The following LRP12 variants were observed in gnomAD, a reference collection of about 807,000 sequenced individuals.
LRP12 encodes low-density lipoprotein receptor-related protein 12.
LRP12 carries 14 observed loss-of-function variants against 66.0 expected under a neutral mutation model. That is an observed-to-expected ratio of 0.21 (90% CI 0.14 to 0.33). The LOEUF (loss-of-function observed/expected upper bound fraction) is 0.33, where lower values mean the gene tolerates loss of function less well. LRP12 is among the 10% of genes least tolerant of loss of function. The probability of loss-of-function intolerance (pLI) is 1.00; values close to 1 mark genes in which losing one functional copy is unlikely to be tolerated. For synonymous variants in LRP12, 357 were observed against 359.1 expected, an observed-to-expected ratio of 0.99 and a Z score of 0.07; for missense variants, 889 against 1,053.4, an observed-to-expected ratio of 0.84 and a Z score of 2.16.
At chr8:104,552,671 G>C (rs548670912) in intron 1 of LRP12, among the ~76,000 whole-genome samples, 1 of 152,262 alleles carries the variant, frequency 6.6e-6, no homozygotes, top group Non-Finnish European at 1.5e-5. Context: ...ATGTGAAGCA[G>C]AGAATTATCC....
Position 104,548,389 on chromosome 8 carries a change from ATATATAT to A in LRP12, c.80-16433_80-16427del, listed in dbSNP as rs1279887783. 3.4e-3 allele frequency among the ~76,000 whole-genome samples: 288 copies of A among 84,182 alleles called. 8 individuals carry two copies. The highest frequency in any genetic ancestry group is 4.2e-3 in the Non-Finnish European group (220 of 51,898). The allele number at this position is 84,182 out of a possible 152,430, so 55.2% of individuals were successfully genotyped here. ...TATAAATATATTATATAAATATATAATATATATTATATAAATATATGATATATTAATA... is the reference window on the plus strand; with the variant it reads ...TATAAATATATTATATAAATATATAATATATAAATATATGATATATTAATA... On this transcript the variant is annotated intron_variant, in intron 1 of 6. Coordinates refer to ENST00000276654, the MANE Select transcript of LRP12 (RefSeq NM_013437.5).
At position 104,489,560 on chromosome 8, in the gene LRP12, T is replaced by A. The variant is rs188045261; in HGVS notation, c.*1113A>T. ...TCTGAATGATTTCTTAATTTTCTTT[T>A]GAGAGTGTAGCATGATCCCCCCCAG... is the stretch of plus-strand genomic sequence containing the variant. On this transcript the variant is annotated 3_prime_UTR_variant, in exon 7 of 7. Coordinates refer to ENST00000276654, the MANE Select transcript of LRP12 (RefSeq NM_013437.5). 3 of 152,228 alleles carry A rather than the reference T, an allele frequency of 2.0e-5. No individual in the cohort carries two copies. Among genetic ancestry groups the A allele is most frequent in the Non-Finnish European group, 4.4e-5 (3 of 67,998 alleles). The allele number at this position is 152,228 out of a possible 1,614,324, so 9.4% of individuals were successfully genotyped here. A position where few individuals can be genotyped will look rare whatever the true frequency, so the allele number is the denominator to read the frequency against.
intron 1 of LRP12, among the ~76,000 whole-genome samples, chr8:104,579,191 CG>C (rs774950021): frequency 6.6e-6 from 1 of 152,094 alleles, no homozygotes; most frequent in Non-Finnish European, 1.5e-5. Context: ...CCCATAGTCT[CG>C]GGCCCAAAGC....
At position 104,569,613 on chromosome 8, in the gene LRP12, A is replaced by AT. The variant is rs374063255; in HGVS notation, c.79+19205_79+19206insA. ...CTAAATACAACATAATAATGTTCATAATAAAGATTCATAATAAAACTCTTA... is the reference window on the plus strand; with the variant it reads ...CTAAATACAACATAATAATGTTCATATATAAAGATTCATAATAAAACTCTTA... On this transcript the variant is annotated intron_variant, in intron 1 of 6. Transcript: ENST00000276654. Among the ~76,000 whole-genome samples, 117 of 152,252 alleles carry AT rather than the reference A, an allele frequency of 7.7e-4. 1 individual carries two copies. In the Middle Eastern group the frequency reaches 0.024, roughly 31 times the overall value.
Position 104,588,970 on chromosome 8 carries a change from A to ACGCCGCCGC in LRP12, c.-82_-74dup, listed in dbSNP as rs879237391. 0.23 allele frequency: 138,700 copies of ACGCCGCCGC among 590,722 alleles called. 16,008 individuals are homozygous for ACGCCGCCGC. The highest frequency in any genetic ancestry group is 0.26 in the Non-Finnish European group (99,634 of 380,392). 36.6% of individuals were successfully genotyped at this position (590,722 alleles called of 1,614,324 possible). ...GAGAAGCTGGAGGTAGACGACGCCG[A>ACGCCGCCGC]CGCCGCCGCCGCCGCCGCCGCCGCC... On this transcript the variant is annotated 5_prime_UTR_variant, in exon 1 of 7. Coordinates refer to ENST00000276654, the MANE Select transcript of LRP12 (RefSeq NM_013437.5).
chr8:104,557,844 G>A (rs1432887386), intron 1 of LRP12, among the ~76,000 whole-genome samples: 1 of 152,122 alleles, frequency 6.6e-6, no homozygotes, highest in Admixed American at 6.6e-5. Flanking sequence ...CAAATCTAGA[G>A]GCATCACATG....
At chr8:104,527,511 GATGAGTTC>G (rs1400165163) in intron 2 of LRP12, among the ~76,000 whole-genome samples, 1 of 151,076 alleles carries the variant, frequency 6.6e-6, no homozygotes, top group Non-Finnish European at 1.5e-5. Context: ...CATAAAAAAT[GATGAGTTC>G]ATGTCCTTTG....
Position 104,558,580 on chromosome 8 carries a change from T to C in LRP12, c.80-26617A>G, listed in dbSNP as rs1216567877. On this transcript the variant is annotated intron_variant, in intron 1 of 6. Coordinates refer to ENST00000276654, the MANE Select transcript of LRP12 (RefSeq NM_013437.5). ...TCATGGCAAAGAACCCAAAAGCAAA[T>C]GCCACAAAAACAAAGACAAATAGAT... Among the ~76,000 whole-genome samples the C allele has an allele frequency of 2.0e-5, 3 of 151,770 alleles. No individual in the cohort carries two copies. The East Asian group carries it at 5.8e-4, about 29-fold the overall frequency.
intron 2 of LRP12, among the ~76,000 whole-genome samples, chr8:104,509,281 T>C (rs914538275): frequency 1.3e-5 from 2 of 152,232 alleles, no homozygotes; most frequent in Non-Finnish European, 1.5e-5. Flanking sequence ...TCCAATAAAA[T>C]ACAGTAGCCC....
intron 3 of LRP12, among the ~76,000 whole-genome samples, chr8:104,500,795 C>G (rs1005335788): frequency 6.6e-5 from 10 of 151,236 alleles, no homozygotes; most frequent in Non-Finnish European, 1.5e-4. Flanking sequence ...CTAGGACAAA[C>G]TATTCTAGAA....
chr8:104,587,784 G>A (rs922598937), intron 1 of LRP12, among the ~76,000 whole-genome samples: 6 of 152,120 alleles, frequency 3.9e-5, no homozygotes, highest in Non-Finnish European at 7.4e-5. Context: ...AAATGAATTA[G>A]ACTTTTTATA....
chr8:104,554,506 A>T (rs1811776064), intron 1 of LRP12, among the ~76,000 whole-genome samples: 1 of 152,124 alleles, frequency 6.6e-6, no homozygotes, highest in Admixed American at 6.5e-5. Context: ...AAACAACAGA[A>T]CAAGTAGAAG....
chr8:104,552,848 AGAATCCACAGATCCTTT>A (rs577806004), intron 1 of LRP12, among the ~76,000 whole-genome samples: 42 of 152,294 alleles, frequency 2.8e-4, no homozygotes, highest in African/African-American at 9.4e-4. Context: ...GAAAGCCTAG[AGAATCCACAGATCCTTT>A]GAATGAAGCT....
chr8:104,506,447 TTCTC>T (rs1488582983), intron 3 of LRP12: 1 of 151,624 alleles, frequency 6.6e-6, no homozygotes, highest in Admixed American at 6.5e-5. Context: ...TTTTTTGGTT[TTCTC>T]TCTTTTTTTT....
chr8:104,500,702 CAAACAAAACA>C (rs1199080733), intron 3 of LRP12, among the ~76,000 whole-genome samples: 2 of 151,026 alleles, frequency 1.3e-5, no homozygotes, highest in African/African-American at 2.5e-5. Context: ...GACTCCGTCT[CAAACAAAACA>C]AAACCAAACA....
chr8:104,548,523 C>A (rs1233413785), intron 1 of LRP12, among the ~76,000 whole-genome samples: 23 of 92,604 alleles, frequency 2.5e-4, no homozygotes, highest in African/African-American at 1.1e-3. Flanking sequence ...TATTTTGTAT[C>A]TAATATATAA....
intron 1 of LRP12, among the ~76,000 whole-genome samples, chr8:104,575,055 G>A (rs1053157335): frequency 3.3e-5 from 5 of 152,130 alleles, no homozygotes; most frequent in Admixed American, 6.5e-5. Context: ...ATAAAGACTG[G>A]AAGTCACAAG....
intron 1 of LRP12, among the ~76,000 whole-genome samples, chr8:104,537,442 A>C (rs1811406553): frequency 6.6e-6 from 1 of 152,134 alleles, no homozygotes; most frequent in Non-Finnish European, 1.5e-5. Context: ...AAGCTTAAAT[A>C]AACACTTCCA....
At chr8:104,506,863 T>C (rs934211395) in intron 3 of LRP12, 2 of 152,212 alleles carry the variant, frequency 1.3e-5, no homozygotes, top group African/African-American at 4.8e-5. Flanking sequence ...TTTTACTCCG[T>C]AACTTTAGTT....
Sources: allele counts gnomAD v4.1 joint callset (sites outside exome capture counted in the v4.1 genomes callset), GRCh38; gene constraint gnomAD v4.1.1; transcripts MANE v1.5; gene names NCBI Gene and HGNC (gene_info 2026-07-23, HGNC 2026-07-21).